PDE3B: variants seen among roughly 807,000 people sequenced by gnomAD.
PDE3B encodes cGMP-inhibited 3',5'-cyclic phosphodiesterase 3B.
In PDE3B, 66 loss-of-function variants were observed where a neutral mutation model predicts 116.8. That is an observed-to-expected ratio of 0.56 (90% CI 0.46 to 0.69). The LOEUF is 0.69. Ranked by LOEUF, PDE3B falls within the 30% of genes least tolerant of loss-of-function variation. The probability of loss-of-function intolerance (pLI) is 0.00; values close to 1 mark genes in which losing one functional copy is unlikely to be tolerated. For missense variants in PDE3B, 1,384 were observed against 1,368.1 expected, an observed-to-expected ratio of 1.01 and a Z score of -0.18; for synonymous variants, 595 against 533.6, an observed-to-expected ratio of 1.12 and a Z score of -1.59.
chr11:14,781,158 G>C (rs534344256), intron 2 of PDE3B, among the ~76,000 whole-genome samples: 7 of 152,340 alleles, frequency 4.6e-5, no homozygotes, highest in Admixed American at 1.3e-4. Context: ...CTGTGAAATT[G>C]AGGCAATAAT....
chr11:14,647,796 T>A (rs575060257), intron 1 of PDE3B, among the ~76,000 whole-genome samples: 2 of 152,154 alleles, frequency 1.3e-5, no homozygotes, highest in African/African-American at 4.8e-5. Context: ...TAAAGTAGTT[T>A]TTAACTTTTG....
At chr11:14,833,652 AT>A (rs1859967742) in intron 10 of PDE3B, among the ~76,000 whole-genome samples, 1 of 152,196 alleles carries the variant, frequency 6.6e-6, no homozygotes, top group Admixed American at 6.5e-5. Flanking sequence ...TGAGTTTCAT[AT>A]TAGAAAAAGA....
chr11:14,659,008 T>A (rs761354647), intron 1 of PDE3B, among the ~76,000 whole-genome samples: 72 of 152,336 alleles, frequency 4.7e-4, no homozygotes, highest in Non-Finnish European at 9.1e-4. Flanking sequence ...ATACTCATAA[T>A]TTCATCACTG....
intron 7 of PDE3B, among the ~76,000 whole-genome samples, chr11:14,828,577 C>T: frequency 6.6e-6 from 1 of 152,202 alleles, no homozygotes; most frequent in Non-Finnish European, 1.5e-5. Context: ...CATCACTGAT[C>T]ATTAGCGAAA....
At chr11:14,779,483 T>A (rs1225850716) in intron 2 of PDE3B, among the ~76,000 whole-genome samples, 1 of 152,226 alleles carries the variant, frequency 6.6e-6, no homozygotes, top group Admixed American at 6.5e-5. Flanking sequence ...GCAGAAACTC[T>A]ACAAGCCAGG....
chr11:14,674,946 C>T (rs1286779596), intron 1 of PDE3B, among the ~76,000 whole-genome samples: 1 of 152,064 alleles, frequency 6.6e-6, no homozygotes, highest in Non-Finnish European at 1.5e-5. Flanking sequence ...TATAAAGAAA[C>T]AACTCTTGCT....
chr11:14,837,837 T>A (rs1860101061), intron 11 of PDE3B, among the ~76,000 whole-genome samples: 1 of 152,124 alleles, frequency 6.6e-6, no homozygotes, highest in African/African-American at 2.4e-5. Flanking sequence ...AGAAGGACCA[T>A]GGGATGTGCT....
At chr11:14,737,543 C>T (rs1856636286) in intron 1 of PDE3B, among the ~76,000 whole-genome samples, 1 of 152,206 alleles carries the variant, frequency 6.6e-6, no homozygotes, top group Non-Finnish European at 1.5e-5. Flanking sequence ...TGAAATGAAA[C>T]AGCTAATGTG....
intron 1 of PDE3B, among the ~76,000 whole-genome samples, chr11:14,731,279 GAC>G (rs1856450234): frequency 8.0e-6 from 1 of 124,744 alleles, no homozygotes; most frequent in East Asian, 2.6e-4. Flanking sequence ...TTTTTTTTGA[GAC>G]AGAGTCTTGC....
At chr11:14,803,531 G>C (rs979696257) in intron 4 of PDE3B, among the ~76,000 whole-genome samples, 1 of 152,192 alleles carries the variant, frequency 6.6e-6, no homozygotes, top group Non-Finnish European at 1.5e-5. Context: ...CCTTGGGGAC[G>C]AGACCAGCAG....
chr11:14,692,467 G>A (rs1483756894), intron 1 of PDE3B, among the ~76,000 whole-genome samples: 3 of 152,040 alleles, frequency 2.0e-5, no homozygotes, highest in South Asian at 2.1e-4. Flanking sequence ...TTGTGGCAGC[G>A]CTGTGTTGAG....
chr11:14,773,501 T>C (rs1034982807), intron 2 of PDE3B: 9 of 152,146 alleles, frequency 5.9e-5, no homozygotes, highest in Non-Finnish European at 1.2e-4. Flanking sequence ...AGGTGAGATA[T>C]TTACCCTTTC....
chr11:14,837,570 G>C (rs1860092375), intron 11 of PDE3B, among the ~76,000 whole-genome samples: 1 of 152,092 alleles, frequency 6.6e-6, no homozygotes, highest in Admixed American at 6.5e-5. Context: ...ATTTCCTTCT[G>C]AGCATTCATT....
intron 2 of PDE3B, 58 bp downstream of exon 2, chr11:14,772,045 A>G (rs1455767776): frequency 4.0e-6 from 3 of 744,620 alleles, no homozygotes; most frequent in Non-Finnish European, 6.7e-6. Flanking sequence ...TCACTAAATA[A>G]TATCTGTGAT....
intron 4 of PDE3B, among the ~76,000 whole-genome samples, chr11:14,797,000 T>G (rs1176644462): frequency 6.6e-6 from 1 of 152,238 alleles, no homozygotes; most frequent in Non-Finnish European, 1.5e-5. Flanking sequence ...GTTTTAGGTC[T>G]TACGTTTAAG....
At chr11:14,788,558 G>A (rs376921790) in intron 3 of PDE3B, among the ~76,000 whole-genome samples, 4 of 151,764 alleles carry the variant, frequency 2.6e-5, no homozygotes, top group East Asian at 3.9e-4. Flanking sequence ...ATGGAATATT[G>A]GTAATTGAAC....
chr11:14,676,496 C>T (rs1021704414), intron 1 of PDE3B, among the ~76,000 whole-genome samples: 2 of 152,076 alleles, frequency 1.3e-5, no homozygotes, highest in Non-Finnish European at 2.9e-5. Context: ...CTGTATAGGG[C>T]ACTTACCATG....
intron 1 of PDE3B, among the ~76,000 whole-genome samples, chr11:14,715,936 A>G (rs546596918): frequency 6.6e-6 from 1 of 152,334 alleles, no homozygotes; most frequent in East Asian, 1.9e-4. Context: ...CCGAATAGGA[A>G]CAGCTCCGGT....
chr11:14,799,957 T>A (rs779477442), intron 4 of PDE3B, among the ~76,000 whole-genome samples: 52 of 152,136 alleles, frequency 3.4e-4, no homozygotes, highest in Admixed American at 2.0e-3. Context: ...ATGTGTGAAT[T>A]TGATGCTGTC....
Sources: allele counts gnomAD v4.1 joint callset (sites outside exome capture counted in the v4.1 genomes callset), GRCh38; gene constraint gnomAD v4.1.1; transcripts MANE v1.5; gene names NCBI Gene and HGNC (gene_info 2026-07-23, HGNC 2026-07-21).